The following MSH3 variants were observed in gnomAD, a reference collection of about 807,000 sequenced individuals.
MSH3 encodes the protein DNA mismatch repair protein Msh3.
In MSH3, 106 loss-of-function variants were observed where a neutral mutation model predicts 123.3. The ratio of observed to expected loss-of-function variants is 0.86; its 90% CI spans 0.73 to 1.01. MSH3 has a LOEUF of 1.01. Ranked by LOEUF, MSH3 falls within the 50% of genes least tolerant of loss-of-function variation. MSH3 has a pLI of 0.00. For missense variants in MSH3, 1,459 were observed against 1,347.6 expected (o/e 1.08, Z -1.29); for synonymous variants, 515 against 481.4 (o/e 1.07, Z -0.91).
intron 17 of MSH3, among the ~76,000 whole-genome samples, chr5:80,783,232 AAATCAT>A (rs911261734): frequency 1.3e-5 from 2 of 152,200 alleles, no homozygotes; most frequent in African/African-American, 2.4e-5. Context: ...GCCAGAGGTT[AAATCAT>A]AGTGCCTTGA....
rs990055682 is a variant in MSH3, at chr5:80,872,971, G to A, written c.3131-145G>A. On this transcript the variant is annotated intron_variant, in intron 22 of 23. Coordinates refer to ENST00000265081, the MANE Select transcript of MSH3 (RefSeq NM_002439.5). ...TACCCTTTTCTAGACATATCAAATTGATAAATGGATCTAACAGGCAAGTAG... is the reference window on the plus strand; with the variant it reads ...TACCCTTTTCTAGACATATCAAATTAATAAATGGATCTAACAGGCAAGTAG... The A allele has an allele frequency of 1.3e-4, 100 of 743,930 alleles. No individual in the cohort carries two copies. In the African/African-American group the frequency reaches 1.7e-3, roughly 13 times the overall value. 46.1% of individuals were successfully genotyped at this position (743,930 alleles called of 1,614,324 possible).
chr5:80,775,746 TA>T lies in MSH3; in HGVS notation c.2309del (p.Lys770ArgfsTer8). 1 of 1,587,048 alleles carries T rather than the reference TA, an allele frequency of 6.3e-7. No homozygotes were observed. Among genetic ancestry groups the T allele is most frequent in the Non-Finnish European group, 8.7e-7 (1 of 1,155,776 alleles). Reference sequence around the variant, plus strand: ...GTATCTTGTATACCAACTGATTGGGTAAAGGTTGGAAGGTAGGTTTAAAATA... The same window carrying T: ...GTATCTTGTATACCAACTGATTGGGTAAGGTTGGAAGGTAGGTTTAAAATA... ...SAVSCIPTDW[V>X]KVGSTKAVSR... is the part of the protein sequence containing the mutation. On this transcript the variant is annotated frameshift_variant, in exon 16 of 24. Coordinates refer to ENST00000265081, the MANE Select transcript of MSH3 (RefSeq NM_002439.5). LOFTEE classifies it high-confidence loss of function.
Position 80,854,241 on chromosome 5 carries a change from T to C in MSH3, c.2925T>C (p.Asp975=), listed in dbSNP as rs773811257. ...KATSQSLVIL[D]ELGRGTSTHD... ...CATCACAGTCCTTGGTTATCTTGGA[T>C]GAACTAGGAAGAGGGACGAGCACTC... Residue 975 remains aspartate, a synonymous_variant, in exon 21 of 24, where the codon GAT becomes GAC. Transcript: ENST00000265081. The C allele has an allele frequency of 2.5e-6, 4 of 1,613,984 alleles. No individual in the cohort carries two copies. In the Admixed American group the frequency reaches 6.7e-5, roughly 27 times the overall value.
intron 15 of MSH3, among the ~76,000 whole-genome samples, chr5:80,770,100 C>T (rs1055740522): frequency 6.6e-6 from 1 of 152,132 alleles, no homozygotes; most frequent in Non-Finnish European, 1.5e-5. Context: ...AGACAAATAC[C>T]AAATATTTAA....
intron 8 of MSH3, among the ~76,000 whole-genome samples, chr5:80,713,735 T>A (rs941037149): frequency 6.6e-6 from 1 of 152,230 alleles, no homozygotes; most frequent in African/African-American, 2.4e-5. Context: ...GGAGCAGATT[T>A]CCATCCATTT....
At chr5:80,732,753 A>G (rs180840645) in intron 10 of MSH3, among the ~76,000 whole-genome samples, 29 of 152,334 alleles carry the variant, frequency 1.9e-4, no homozygotes, top group South Asian at 6.2e-4. Flanking sequence ...AAGCCAATCA[A>G]TGTAATCTAC....
At chr5:80,798,997 G>A (rs1744746069) in intron 19 of MSH3, among the ~76,000 whole-genome samples, 1 of 152,206 alleles carries the variant, frequency 6.6e-6, no homozygotes, top group African/African-American at 2.4e-5. Context: ...CACAAGTGTA[G>A]TGGGAAAGTG....
At chr5:80,675,367 T>C (rs1183623272) in intron 7 of MSH3, among the ~76,000 whole-genome samples, 1 of 152,116 alleles carries the variant, frequency 6.6e-6, no homozygotes, top group Non-Finnish European at 1.5e-5. Flanking sequence ...TGAGACTGGG[T>C]AATTTATAAA....
intron 20 of MSH3, among the ~76,000 whole-genome samples, chr5:80,849,792 C>T (rs1299318514): frequency 6.6e-6 from 1 of 152,134 alleles, no homozygotes; most frequent in Non-Finnish European, 1.5e-5. Flanking sequence ...TCTGACATGC[C>T]TGGAGACATT....
intron 20 of MSH3, among the ~76,000 whole-genome samples, chr5:80,839,759 C>G (rs945087190): frequency 6.6e-6 from 1 of 152,064 alleles, no homozygotes; most frequent in Non-Finnish European, 1.5e-5. Context: ...AAAAGTGACA[C>G]AATAAAATAC....
chr5:80,698,874 A>G (rs1380227824), intron 8 of MSH3, among the ~76,000 whole-genome samples: 1 of 152,214 alleles, frequency 6.6e-6, no homozygotes, highest in Non-Finnish European at 1.5e-5. Context: ...TGGGTGCAGC[A>G]TACCAACATG....
In MSH3 at chr5:80,678,921, T is replaced by G. The variant is rs769922087; in HGVS notation, c.1174-6T>G. The G allele has an allele frequency of 2.5e-6, 4 of 1,614,106 alleles. No individual in the cohort carries two copies. In the Admixed American group the frequency reaches 5.0e-5, roughly 20 times the overall value. ...TCTGTAACATTATATTTGTATTTGT[T>G]TTTAGGGAGTGCAGCCTGCCACAGG... On this transcript the variant is annotated splice_polypyrimidine_tract_variant and splice_region_variant and intron_variant, in intron 7 of 23. Coordinates refer to ENST00000265081, the MANE Select transcript of MSH3 (RefSeq NM_002439.5).
At chr5:80,776,911 A>AATAT (rs1300433748) in intron 16 of MSH3, among the ~76,000 whole-genome samples, 11,934 of 140,838 alleles carry the variant, frequency 0.085, 692 homozygotes, top group Non-Finnish European at 0.13. Flanking sequence ...ATATAATACA[A>AATAT]ATATATATAT....
chr5:80,838,080 TACA>T (rs1745550193), intron 20 of MSH3, among the ~76,000 whole-genome samples: 1 of 152,164 alleles, frequency 6.6e-6, no homozygotes, highest in Non-Finnish European at 1.5e-5. Flanking sequence ...TGGCAAAACA[TACA>T]ACATCATATA....
At chr5:80,829,446 T>C (rs1292607893) in intron 20 of MSH3, among the ~76,000 whole-genome samples, 1 of 152,180 alleles carries the variant, frequency 6.6e-6, no homozygotes, top group Non-Finnish European at 1.5e-5. Flanking sequence ...TTATCATGAA[T>C]GGGTGTCGGA....
At chr5:80,875,654 G>C (rs1746294833) in intron 23 of MSH3, 97 bp from the exon 24 acceptor site, 2 of 727,392 alleles carry the variant, frequency 2.7e-6, no homozygotes, top group Non-Finnish European at 4.9e-6. Context: ...AGCCTGCCCG[G>C]TATTCAAGTG....
intron 8 of MSH3, among the ~76,000 whole-genome samples, chr5:80,710,388 T>C (rs1750835676): frequency 2.0e-5 from 3 of 152,218 alleles, no homozygotes; most frequent in South Asian, 4.1e-4. Flanking sequence ...GCAAAAGGGG[T>C]AATATTTTAT....
chr5:80,677,591 G>C (rs6151664), intron 7 of MSH3, among the ~76,000 whole-genome samples: 18,351 of 152,102 alleles, frequency 0.12, 1,553 homozygotes, highest in East Asian at 0.33. Context: ...ATTACAGTTA[G>C]AGGAGCTATA....
chr5:80,751,939 C>T (rs245400), intron 12 of MSH3, among the ~76,000 whole-genome samples: 133,439 of 152,030 alleles, frequency 0.88, 58,727 homozygotes, highest in East Asian at 1. Flanking sequence ...TTTTGCTCAT[C>T]TATTCAACGT....
Sources: allele counts gnomAD v4.1 joint callset (sites outside exome capture counted in the v4.1 genomes callset), GRCh38; gene constraint gnomAD v4.1.1; transcripts MANE v1.5; gene names NCBI Gene and HGNC (gene_info 2026-07-23, HGNC 2026-07-21).